Variants in RPH3AL observed in about 807,000 individuals in gnomAD.
RPH3AL encodes the protein rab effector Noc2.
A neutral mutation model predicts 43.1 loss-of-function variants in RPH3AL; 38 were observed. The ratio of observed to expected loss-of-function variants is 0.88; its 90% confidence interval spans 0.68 to 1.15. The LOEUF (loss-of-function observed/expected upper bound fraction) is 1.15, where lower values mean the gene tolerates loss of function less well. Ranked by LOEUF, RPH3AL falls within the 50% of genes most tolerant of loss-of-function variation. RPH3AL has a pLI of 0.00. For synonymous variants in RPH3AL, 189 were observed against 176.3 expected, an observed-to-expected ratio of 1.07 and a Z score of -0.57; for missense variants, 462 against 423.2, an observed-to-expected ratio of 1.09 and a Z score of -0.81.
chr17:315,470 G>GC (rs2043973330), intron 5 of RPH3AL, among the ~76,000 whole-genome samples: 3 of 148,178 alleles, frequency 2.0e-5, no homozygotes, highest in Non-Finnish European at 1.5e-5. Context: ...TAGTCCCTGT[G>GC]CTCCCACCTC....
chr17:307,158 G>A lies in RPH3AL; in HGVS notation c.351+12262C>T, dbSNP rs569909596. The stretch of plus-strand genomic sequence containing the variant: ...CTCCCCATGGCAGGTCCTCCCCATG[G>A]CAGGCCCATCCCACGGCAGATCCTC... On this transcript the variant is annotated intron_variant, in intron 5 of 9. Transcript: ENST00000331302. Among the ~76,000 whole-genome samples the A allele has an allele frequency of 2.7e-5, 4 of 148,748 alleles. No homozygotes were observed. In the South Asian group the frequency reaches 6.4e-4, roughly 24 times the overall value.
rs751994717 is a variant in RPH3AL at position 247,286 on chromosome 17, C to G, written c.439-1G>C. 16 of 1,569,494 alleles carry G rather than the reference C, an allele frequency of 1.0e-5. No individual in the cohort carries two copies. Among genetic ancestry groups the G allele is most frequent in the Non-Finnish European group, 9.5e-6 (11 of 1,156,116 alleles). On this transcript the variant is annotated splice_acceptor_variant, in intron 6 of 9. Transcript: ENST00000331302. LOFTEE classifies it high-confidence loss of function. ...ACCAGGCCCCCGACCTCTTCCAGAC[C>G]TGAGTGGGGGAAGAGAGCTGCTTGG... is the stretch of plus-strand genomic sequence containing the variant.
rs902595181 is a variant in RPH3AL, at chr17:314,163, C to A, written c.351+5257G>T. On this transcript the variant is annotated intron_variant, in intron 5 of 9. Coordinates refer to ENST00000331302, the MANE Select transcript of RPH3AL (RefSeq NM_006987.4). Reference sequence around the variant, plus strand: ...ACAGCCACACCAGCAGCGGCCTCTGCAGCACAGGCCCTGGACTGTCCCAGG... The same window carrying A: ...ACAGCCACACCAGCAGCGGCCTCTGAAGCACAGGCCCTGGACTGTCCCAGG... 2.6e-5 allele frequency among the ~76,000 whole-genome samples: 4 copies of A among 152,184 alleles called. No individual in the cohort carries two copies. The East Asian group carries it at 5.8e-4, about 22-fold the overall frequency.
Position 345,700 on chromosome 17 carries a change from C to T in RPH3AL, c.-213+7012G>A, listed in dbSNP as rs1295973076. 3.3e-5 allele frequency among the ~76,000 whole-genome samples: 4 copies of T among 120,312 alleles called. 1 individual carries two copies. Among genetic ancestry groups the T allele is most frequent in the South Asian group, 5.7e-4 (2 of 3,492 alleles). The allele number at this position is 120,312 out of a possible 152,430, so 78.9% of individuals were successfully genotyped here. ...TGCGCGCACACCCTGCTGGGGCACG[C>T]GTGCTCCCCATCTGCGTGCATACCC... is the stretch of plus-strand genomic sequence containing the variant. On this transcript the variant is annotated intron_variant, in intron 1 of 9. Coordinates refer to ENST00000331302, the MANE Select transcript of RPH3AL (RefSeq NM_006987.4).
intron 3 of RPH3AL, among the ~76,000 whole-genome samples, chr17:324,710 CCTAT>C (rs71143502): frequency 5.3e-5 from 8 of 150,988 alleles, no homozygotes; most frequent in Non-Finnish European, 7.4e-5. Flanking sequence ...TAGCTATGTA[CCTAT>C]CTATCTATCT....
intron 5 of RPH3AL, among the ~76,000 whole-genome samples, chr17:302,044 C>A (rs1038135786): frequency 6.6e-6 from 1 of 152,218 alleles, no homozygotes; most frequent in Non-Finnish European, 1.5e-5. Flanking sequence ...TGAGCCAAAG[C>A]GAACTGGGCG....
chr17:226,010 G>A (rs2041098417), intron 7 of RPH3AL, among the ~76,000 whole-genome samples: 1 of 152,252 alleles, frequency 6.6e-6, no homozygotes, highest in Non-Finnish European at 1.5e-5. Flanking sequence ...CGTGAACCAT[G>A]CCGTGCCATG....
intron 5 of RPH3AL, among the ~76,000 whole-genome samples, chr17:302,364 G>A (rs2043350419): frequency 6.6e-6 from 1 of 152,190 alleles, no homozygotes; most frequent in Admixed American, 6.5e-5. Context: ...CAGGTCCACG[G>A]AGTCACCCCG....
intron 7 of RPH3AL, among the ~76,000 whole-genome samples, chr17:226,706 T>A (rs1308854515): frequency 6.6e-6 from 1 of 152,174 alleles, no homozygotes; most frequent in African/African-American, 2.4e-5. Flanking sequence ...TCCATTGAAA[T>A]GTCACCGTAA....
rs188055704 is a variant in RPH3AL at position 296,635 on chromosome 17, C to T, written c.352-14781G>A. On this transcript the variant is annotated intron_variant, in intron 5 of 9. Transcript: ENST00000331302. ...CGCCGATGGCTCGCCATGGCCACCA[C>T]CGGTTGCACCTTCACCTCTGAGGGG... Among the ~76,000 whole-genome samples the T allele has an allele frequency of 7.2e-4, 110 of 152,332 alleles. 1 individual carries two copies. Among genetic ancestry groups the T allele is most frequent in the African/African-American group, 2.5e-3 (104 of 41,586 alleles).
At chr17:315,504 T>TC (rs2043980012) in intron 5 of RPH3AL, among the ~76,000 whole-genome samples, 34 of 11,818 alleles carry the variant, frequency 2.9e-3, no homozygotes, top group Admixed American at 4.7e-3. Flanking sequence ...TCCCTGTGAC[T>TC]CCACCTCCAT....
intron 8 of RPH3AL, among the ~76,000 whole-genome samples, chr17:219,192 CTTTTTTT>C (rs796389217): frequency 1.7e-5 from 1 of 58,004 alleles, no homozygotes; most frequent in East Asian, 6.4e-4. Context: ...ATAAACAGCA[CTTTTTTT>C]TTTTTTTTTT....
At chr17:286,038 C>T (rs1038775619) in intron 5 of RPH3AL, among the ~76,000 whole-genome samples, 1 of 152,208 alleles carries the variant, frequency 6.6e-6, no homozygotes, top group Non-Finnish European at 1.5e-5. Context: ...TCCGATGTCC[C>T]CCCGCCACTG....
intron 1 of RPH3AL, among the ~76,000 whole-genome samples, chr17:343,087 C>T (rs973961156): frequency 6.6e-6 from 1 of 152,136 alleles, no homozygotes; most frequent in Non-Finnish European, 1.5e-5. Flanking sequence ...CCTGTAGAAA[C>T]CAGGTTCACA....
chr17:270,910 T>C (rs1324306580), intron 6 of RPH3AL, among the ~76,000 whole-genome samples: 4 of 152,190 alleles, frequency 2.6e-5, no homozygotes, highest in Admixed American at 2.6e-4. Context: ...TGGTTTTAGG[T>C]CTAACATTTA....
At chr17:228,981 C>G (rs573067717) in intron 7 of RPH3AL, among the ~76,000 whole-genome samples, 2 of 152,332 alleles carry the variant, frequency 1.3e-5, no homozygotes, top group East Asian at 3.9e-4. Flanking sequence ...GTCTTCCCAT[C>G]TGTAAAATGG....
rs1048166483 is a variant in RPH3AL, at chr17:245,469, G to A, written c.613+1642C>T. Among the ~76,000 whole-genome samples, 4 of 151,674 alleles carry A rather than the reference G, an allele frequency of 2.6e-5. No homozygotes were observed. The highest frequency in any genetic ancestry group is 1.3e-4 in the Admixed American group (2 of 15,166). The stretch of plus-strand genomic sequence containing the variant: ...TGTCAATGCGGTTGTGTTTGTGTGC[G>A]TGGATGTGAGTGTGTGTGTATGCCC... On this transcript the variant is annotated intron_variant, in intron 7 of 9. Coordinates refer to ENST00000331302, the MANE Select transcript of RPH3AL (RefSeq NM_006987.4). The surrounding 1 kb of genome is among the most constrained non-coding windows in gnomAD (Gnocchi z 5.9).
chr17:236,554 G>C (rs1481910178), intron 7 of RPH3AL, among the ~76,000 whole-genome samples: 1 of 152,346 alleles, frequency 6.6e-6, no homozygotes, highest in Non-Finnish European at 1.5e-5. Flanking sequence ...AGAGCGGGGT[G>C]GGGGTGGGGC....
At chr17:238,116 T>C (rs924711431) in intron 7 of RPH3AL, among the ~76,000 whole-genome samples, 119 of 149,070 alleles carry the variant, frequency 8.0e-4, no homozygotes, top group Admixed American at 6.1e-4. Flanking sequence ...CACTCCAGCC[T>C]AGGTGACAGA....
Sources: gnomAD v4.1 joint callset for allele counts (sites outside exome capture counted in the v4.1 genomes callset) on GRCh38, gnomAD v4.1.1 for gene constraint, Gnocchi (gnomAD v3.1) non-coding constraint, MANE v1.5 for transcripts, NCBI Gene and HGNC (gene_info 2026-07-23, HGNC 2026-07-21) for gene names.